Variants in PLCH2 observed in about 807,000 individuals in gnomAD.
PLCH2 encodes 1-phosphatidylinositol 4,5-bisphosphate phosphodiesterase eta-2.
Under a neutral mutation model 134.7 loss-of-function variants are expected in PLCH2, and 98 were observed. That is an observed-to-expected ratio of 0.73 (90% CI 0.62 to 0.86). The LOEUF is 0.86. Among genes scored for constraint, PLCH2 ranks in the 40% least tolerant of loss-of-function variants. PLCH2 has a pLI of 0.00. For synonymous variants in PLCH2, 974 were observed against 827.5 expected, an observed-to-expected ratio of 1.18 and a Z score of -3.04; for missense variants, 1,994 against 1,986.6, an observed-to-expected ratio of 1.00 and a Z score of -0.07.
chr1:2,440,821 T>C (rs1570262240), intron 2 of PLCH2, among the ~76,000 whole-genome samples: 2 of 152,262 alleles, frequency 1.3e-5, no homozygotes, highest in Admixed American at 1.3e-4. Flanking sequence ...GCCAGGTTTC[T>C]GTCTCATTGC....
chr1:2,438,618 TG>T (rs913813821), intron 2 of PLCH2, among the ~76,000 whole-genome samples: 2 of 152,216 alleles, frequency 1.3e-5, no homozygotes, highest in Non-Finnish European at 2.9e-5. Context: ...CTTTGCCGAT[TG>T]CCCAAGAGAG....
intron 2 of PLCH2, among the ~76,000 whole-genome samples, chr1:2,438,417 G>T (rs1639534865): frequency 6.6e-6 from 1 of 152,154 alleles, no homozygotes; most frequent in Admixed American, 6.5e-5. Context: ...TCAGCAGGAG[G>T]TCCAGGGGAG....
At position 2,489,987 on chromosome 1, in the gene PLCH2, G is replaced by A. The variant is rs139985173; in HGVS notation, c.1515+120G>A. 2.8e-3 allele frequency: 2,137 copies of A among 759,018 alleles called. 3 individuals are homozygous for A. The highest frequency in any genetic ancestry group is 4.1e-3 in the Non-Finnish European group (1,788 of 439,904). The allele number at this position is 759,018 out of a possible 1,614,324, so 47.0% of individuals were successfully genotyped here. On this transcript the variant is annotated intron_variant, in intron 10 of 21. Coordinates refer to ENST00000378486, the MANE Select transcript of PLCH2 (RefSeq NM_014638.4). ...GCATCCGGGAGAGAGGGACATTGGGGCAGATTCGCACAGCGGCCTGGGGCC... is the reference window on the plus strand; with the variant it reads ...GCATCCGGGAGAGAGGGACATTGGGACAGATTCGCACAGCGGCCTGGGGCC...
Position 2,489,754 on chromosome 1 carries a change from C to T in PLCH2, c.1408-6C>T, listed in dbSNP as rs1558014068. On this transcript the variant is annotated splice_polypyrimidine_tract_variant and splice_region_variant and intron_variant, in intron 9 of 21. Coordinates refer to ENST00000378486, the MANE Select transcript of PLCH2 (RefSeq NM_014638.4). ...GGCCCCTCCCATCATGCACCTCCTC[C>T]CCCAGGGGAAGAAGCTCCCAGCCAA... 1.9e-6 allele frequency: 3 copies of T among 1,609,974 alleles called. No individual in the cohort carries two copies. The highest frequency in any genetic ancestry group is 2.5e-6 in the Non-Finnish European group (3 of 1,176,536).
rs762839402 is a variant in PLCH2, at chr1:2,504,230, G to A, written c.3268G>A (p.Val1090Met). The A allele has an allele frequency of 3.5e-5, 55 of 1,572,762 alleles. No individual in the cohort carries two copies. Among genetic ancestry groups the A allele is most frequent in the Middle Eastern group, 1.7e-4 (1 of 5,960 alleles). ...SQPRTLGHLP[V>M]IRRVKSEGQV... ...GCCCCGGACCCTGGGCCACCTGCCC[G>A]TGATTAGAAGGGTGAAGAGTGAGGG... Residue 1090 changes from valine to methionine, a missense_variant, in exon 22 of 22, where the codon GTG becomes ATG. Coordinates refer to ENST00000378486, the MANE Select transcript of PLCH2 (RefSeq NM_014638.4).
chr1:2,499,876 G>T lies in PLCH2; in HGVS notation c.2661+156G>T, dbSNP rs113207796. 223 of 653,660 alleles carry T rather than the reference G, an allele frequency of 3.4e-4. 2 individuals are homozygous for T. Among genetic ancestry groups the T allele is most frequent in the African/African-American group, 3.1e-3 (175 of 56,258 alleles). The allele number at this position is 653,660 out of a possible 1,614,324, so 40.5% of individuals were successfully genotyped here. Reference sequence around the variant, plus strand: ...CCTCTGCTCCTCTATCTCAAGAGGGGCTGCTGTGGGGGCCTGGCTCCTGAG... The same window carrying T: ...CCTCTGCTCCTCTATCTCAAGAGGGTCTGCTGTGGGGGCCTGGCTCCTGAG... On this transcript the variant is annotated intron_variant, in intron 20 of 21. Coordinates refer to ENST00000378486, the MANE Select transcript of PLCH2 (RefSeq NM_014638.4).
chr1:2,424,714 G>A (rs539128769), upstream of PLCH2, among the ~76,000 whole-genome samples: 50 of 152,280 alleles, frequency 3.3e-4, no homozygotes, highest in South Asian at 1.5e-3. Flanking sequence ...TAGGCCGGGC[G>A]CGGTGGCTCA....
chr1:2,454,973 G>T (rs1403612425), intron 2 of PLCH2, among the ~76,000 whole-genome samples: 1 of 152,086 alleles, frequency 6.6e-6, no homozygotes, highest in Non-Finnish European at 1.5e-5. Context: ...CTGCCTGGGG[G>T]CAGCCAGGCC....
chr1:2,460,045 T>C (rs1361607889), intron 2 of PLCH2, among the ~76,000 whole-genome samples: 2 of 152,234 alleles, frequency 1.3e-5, no homozygotes, highest in African/African-American at 4.8e-5. Context: ...GCTCCGGCAG[T>C]GACTGTGCTC....
In PLCH2 at chr1:2,502,197, C is replaced by T. The variant is rs202014893; in HGVS notation, c.2747C>T (p.Pro916Leu). 2,334 of 1,535,892 alleles carry T rather than the reference C, an allele frequency of 1.5e-3. 5 individuals are homozygous for T. Among genetic ancestry groups the T allele is most frequent in the Middle Eastern group, 0.011 (62 of 5,738 alleles). The change falls in exon 21 of 22, where the codon CCG becomes CTG. Residue 916 changes from proline (P) to leucine (L), a missense_variant. Around this residue, in one of 2 missense-constraint regions of PLCH2, gnomAD observed 900 missense variants for 752.3 expected, o/e 1.20. Coordinates refer to ENST00000378486, the MANE Select transcript of PLCH2 (RefSeq NM_014638.4). ...SLDSHAAGRP[P>L]ARPSVSQRIL... ...GACAGTCATGCTGCTGGGCGGCCCC[C>T]GGCCCGGCCCTCCGTTAGCCAGCGG...
At position 2,427,118 on chromosome 1, in the gene PLCH2, A is replaced by AGACGGCT. The variant is rs1289386321; in HGVS notation, c.-178+1086_-178+1087insCTGACGG. On this transcript the variant is annotated intron_variant, in intron 1 of 3. Transcript: ENST00000609981. ...TACCTGGGACCCACGTTCAGCCTGGAGACGGAAGTCAGGGTAGCAGGGAAG... is the reference window on the plus strand; with the variant it reads ...TACCTGGGACCCACGTTCAGCCTGGAGACGGCTGACGGAAGTCAGGGTAGCAGGGAAG... Among the ~76,000 whole-genome samples, 31 of 152,324 alleles carry AGACGGCT rather than the reference A, an allele frequency of 2.0e-4. No individual in the cohort carries two copies. In the East Asian group the frequency reaches 5.4e-3, roughly 27 times the overall value.
intron 5 of PLCH2, among the ~76,000 whole-genome samples, chr1:2,486,629 G>A (rs922898781): frequency 1.3e-4 from 20 of 152,374 alleles, no homozygotes; most frequent in African/African-American, 4.6e-4. Flanking sequence ...CTCCGTGCCA[G>A]GCCCACTCTG....
chr1:2,427,158 CT>C (rs1638837571), intron 1 of PLCH2, among the ~76,000 whole-genome samples: 1 of 152,224 alleles, frequency 6.6e-6, no homozygotes, highest in Non-Finnish European at 1.5e-5. Flanking sequence ...AGGAGGTGGC[CT>C]CTGTGTGACA....
chr1:2,445,297 C>G (rs984408080), intron 2 of PLCH2, among the ~76,000 whole-genome samples: 1 of 152,104 alleles, frequency 6.6e-6, no homozygotes, highest in Non-Finnish European at 1.5e-5. Context: ...GGTGAGAGAG[C>G]TGAGCCTGCA....
In PLCH2 at chr1:2,496,916, C is replaced by A. The variant is rs1162965832; in HGVS notation, c.2022C>A (p.Asn674Lys). The stretch of plus-strand genomic sequence containing the variant: ...AGCCGGCGCAGTACCTACGCTTCAA[C>A]CAGCAGCAGCTCTCCCGCATCTACC... ...QQKPAQYLRF[N>K]QQQLSRIYPS... The change falls in exon 15 of 22, where the codon AAC (asparagine) becomes AAA (lysine). Residue 674 changes from asparagine (N) to lysine (K), a missense_variant. Around this residue, in one of 2 missense-constraint regions of PLCH2, gnomAD observed 1,094 missense variants for 1,234.3 expected, o/e 0.89. Coordinates refer to ENST00000378486, the MANE Select transcript of PLCH2 (RefSeq NM_014638.4). 1 of 1,613,114 alleles carries A rather than the reference C, an allele frequency of 6.2e-7. No homozygotes were observed. Among genetic ancestry groups the A allele is most frequent in the Non-Finnish European group, 8.5e-7 (1 of 1,179,858 alleles).
chr1:2,495,394 C>A, intron 12 of PLCH2, 94 bp from the exon 13 acceptor site: 1 of 1,049,142 alleles, frequency 9.5e-7, no homozygotes, highest in African/African-American at 1.6e-5. Context: ...CCGCTGGGGA[C>A]CCCGGAGGAT....
intron 5 of PLCH2, among the ~76,000 whole-genome samples, chr1:2,485,600 G>C (rs1236741629): frequency 1.3e-5 from 2 of 150,988 alleles, no homozygotes; most frequent in South Asian, 4.2e-4. Context: ...CCTCAGCCTG[G>C]GGGTGCTGCT....
chr1:2,433,089 C>A (rs886546422), intron 2 of PLCH2, among the ~76,000 whole-genome samples: 1 of 152,230 alleles, frequency 6.6e-6, no homozygotes, highest in African/African-American at 2.4e-5. Flanking sequence ...TGGGGCCCCA[C>A]TGAACTCAGA....
the PLCH2 span, among the ~76,000 whole-genome samples, chr1:2,418,463 A>C: frequency 6.6e-6 from 1 of 152,094 alleles, no homozygotes; most frequent in African/African-American, 2.4e-5. Flanking sequence ...TGCTAGAAGG[A>C]GGGGCCCCGG....
Sources: allele counts gnomAD v4.1 joint callset (sites outside exome capture counted in the v4.1 genomes callset), GRCh38; gene constraint gnomAD v4.1.1; regional missense constraint gnomAD v4.1.1; transcripts MANE v1.5; gene names NCBI Gene and HGNC (gene_info 2026-07-23, HGNC 2026-07-21).